CCDC12: variants seen among roughly 807,000 people sequenced by gnomAD.
The protein encoded by CCDC12 is coiled-coil domain containing 12, also known as coiled-coil domain-containing protein 12.
In CCDC12, 28 loss-of-function variants were observed where a neutral mutation model predicts 25.7. The ratio of observed to expected loss-of-function variants is 1.09; its 90% CI spans 0.81 to 1.50. The LOEUF (loss-of-function observed/expected upper bound fraction) is 1.50, where lower values mean the gene tolerates loss of function less well. Among genes scored for constraint, CCDC12 ranks in the 40% most tolerant of loss-of-function variants. The pLI is 0.00. For missense variants in CCDC12, 198 were observed against 210.0 expected (o/e 0.94, Z 0.35); for synonymous variants, 75 against 87.7 (o/e 0.86, Z 0.81).
chr3:46,931,469 C>T (rs1575539667), intron 2 of CCDC12, among the ~76,000 whole-genome samples: 1 of 152,182 alleles, frequency 6.6e-6, no homozygotes, highest in Non-Finnish European at 1.5e-5. Context: ...GGCCTCAAAG[C>T]CTACACTGCT....
At chr3:46,951,793 A>AT (rs1455812733) in intron 1 of CCDC12, among the ~76,000 whole-genome samples, 15 of 36,270 alleles carry the variant, frequency 4.1e-4, no homozygotes, top group Non-Finnish European at 9.7e-4. Flanking sequence ...AAAAAAAAAA[A>AT]AAAAAATATA....
intron 1 of CCDC12, among the ~76,000 whole-genome samples, chr3:46,963,731 T>G (rs1393204591): frequency 6.6e-6 from 1 of 152,200 alleles, no homozygotes. Flanking sequence ...GTGCCGGGAT[T>G]GCAGATGGAG....
intron 1 of CCDC12, among the ~76,000 whole-genome samples, chr3:46,942,122 C>T (rs1451402060): frequency 2.0e-5 from 3 of 152,262 alleles, no homozygotes; most frequent in African/African-American, 7.2e-5. Context: ...AACTGCCATA[C>T]TGCTTCCACC....
chr3:46,927,556 G>T (rs1418527909), intron 2 of CCDC12, among the ~76,000 whole-genome samples: 1 of 152,198 alleles, frequency 6.6e-6, no homozygotes, highest in Non-Finnish European at 1.5e-5. Context: ...GAGTGAACCA[G>T]AAGCAAGAGG....
At chr3:46,936,951 G>T (rs1373684742) in intron 2 of CCDC12, among the ~76,000 whole-genome samples, 1 of 152,310 alleles carries the variant, frequency 6.6e-6, no homozygotes, top group African/African-American at 2.4e-5. Flanking sequence ...GACTCAGGGA[G>T]GAATCCTGGT....
At chr3:46,956,826 A>AC (rs68074261) in intron 1 of CCDC12, among the ~76,000 whole-genome samples, 1,056 of 23,686 alleles carry the variant, frequency 0.045, 14 homozygotes, top group African/African-American at 0.06. Context: ...CACCACACCC[A>AC]CCCCCCCAAA....
intron 3 of CCDC12, 77 bp downstream of exon 3, chr3:46,925,379 C>G (rs1016155285): frequency 8.6e-6 from 11 of 1,276,600 alleles, no homozygotes; most frequent in South Asian, 1.2e-5. Flanking sequence ...TGGTTATTCT[C>G]AGAGAGCAAA....
At chr3:46,953,237 G>A (rs555710901) in intron 1 of CCDC12, among the ~76,000 whole-genome samples, 9 of 152,116 alleles carry the variant, frequency 5.9e-5, no homozygotes, top group African/African-American at 7.2e-5. Context: ...GCCCAACACC[G>A]TAGGGCACAG....
intron 2 of CCDC12, among the ~76,000 whole-genome samples, chr3:46,929,011 G>A (rs902747519): frequency 1.2e-4 from 19 of 152,108 alleles, no homozygotes; most frequent in African/African-American, 4.6e-4. Flanking sequence ...AGGGGGAAAA[G>A]AGAATTTAAA....
At chr3:46,962,743 T>C (rs1431565645) in intron 1 of CCDC12, among the ~76,000 whole-genome samples, 1 of 152,214 alleles carries the variant, frequency 6.6e-6, no homozygotes, top group Admixed American at 6.5e-5. Context: ...TACCAAGTAT[T>C]AGAGAGGAAC....
chr3:46,941,402 AAC>A (rs2033698890), intron 1 of CCDC12, among the ~76,000 whole-genome samples: 1 of 152,064 alleles, frequency 6.6e-6, no homozygotes, highest in South Asian at 2.1e-4. Flanking sequence ...CTCTACTAAA[AAC>A]ACACAAAAAA....
Position 46,950,999 on chromosome 3 carries a change from G to A in CCDC12, c.97-9934C>T, listed in dbSNP as rs1045314118. On this transcript the variant is annotated intron_variant, in intron 1 of 6. Coordinates refer to ENST00000683445, the MANE Select transcript of CCDC12 (RefSeq NM_001277074.2). ...CTCACACCTGTAATCCCAGCATTTC[G>A]GGAGGCCGAGGCGGGTCCCAACTAC... Among the ~76,000 whole-genome samples, 81 of 152,192 alleles carry A rather than the reference G, an allele frequency of 5.3e-4. 1 individual carries two copies. Among genetic ancestry groups the A allele is most frequent in the African/African-American group, 1.8e-3 (74 of 41,484 alleles).
chr3:46,924,948 C>T (rs968964049), intron 3 of CCDC12: 2 of 258,868 alleles, frequency 7.7e-6, no homozygotes, highest in African/African-American at 2.3e-5. Context: ...GCCAGAAGCT[C>T]CTGGTGGCTG....
At chr3:46,942,620 G>A (rs1490034914) in intron 1 of CCDC12, among the ~76,000 whole-genome samples, 3 of 152,190 alleles carry the variant, frequency 2.0e-5, no homozygotes, top group East Asian at 1.9e-4. Context: ...CACAACCTCC[G>A]GGGAGCAGAC....
chr3:46,973,190 A>G (rs1209536963), intron 1 of CCDC12, among the ~76,000 whole-genome samples: 1 of 14,462 alleles, frequency 6.9e-5, no homozygotes, highest in Non-Finnish European at 5.6e-3. Context: ...CCCTGTCTCT[A>G]CTAAAATAAA....
Position 46,976,164 on chromosome 3 carries a change from G to A in CCDC12, c.96+473C>T, listed in dbSNP as rs138799537. 2.8e-3 allele frequency: 888 copies of A among 319,884 alleles called. 6 individuals are homozygous for A. Among genetic ancestry groups the A allele is most frequent in the African/African-American group, 0.019 (832 of 44,462 alleles). 19.8% of individuals were successfully genotyped at this position (319,884 alleles called of 1,614,324 possible). On this transcript the variant is annotated intron_variant, in intron 1 of 6. Transcript: ENST00000683445. Reference sequence around the variant, plus strand: ...CCCGGCCTCTTTTTGATTTTTGCACGAAACGACTCCGGCTGTATACCCACT... The same window carrying A: ...CCCGGCCTCTTTTTGATTTTTGCACAAAACGACTCCGGCTGTATACCCACT...
chr3:46,963,655 G>A (rs1241735409), intron 1 of CCDC12, among the ~76,000 whole-genome samples: 4 of 152,206 alleles, frequency 2.6e-5, no homozygotes, highest in Non-Finnish European at 5.9e-5. Flanking sequence ...ACCGGGTTTC[G>A]CTGTGTTGGC....
intron 1 of CCDC12, among the ~76,000 whole-genome samples, chr3:46,959,553 T>C (rs12630534): frequency 0.49 from 74,625 of 152,004 alleles, 19,797 homozygotes; most frequent in Non-Finnish European, 0.58. Flanking sequence ...TCATGCCTTG[T>C]TCCTTCCCTC....
At chr3:46,966,826 C>T (rs1423951048) in intron 1 of CCDC12, among the ~76,000 whole-genome samples, 1 of 152,200 alleles carries the variant, frequency 6.6e-6, no homozygotes, top group Non-Finnish European at 1.5e-5. Context: ...ACACACTTCC[C>T]TGAAACAGCT....
Sources: gnomAD v4.1 joint callset for allele counts (sites outside exome capture counted in the v4.1 genomes callset) on GRCh38, gnomAD v4.1.1 for gene constraint, MANE v1.5 for transcripts, NCBI Gene and HGNC (gene_info 2026-07-23, HGNC 2026-07-21) for gene names.